The following NDEL1 variants were observed in gnomAD, a reference collection of about 807,000 sequenced individuals.
The protein encoded by NDEL1 is nuclear distribution protein nudE-like 1.
A neutral mutation model predicts 45.7 loss-of-function variants in NDEL1; 9 were observed. That is an observed-to-expected ratio of 0.20 (90% CI 0.12 to 0.34). NDEL1 has a LOEUF of 0.34. Among genes scored for constraint, NDEL1 ranks in the 10% least tolerant of loss-of-function variants. The pLI is 1.00. For missense variants in NDEL1, 306 were observed against 406.2 expected, an observed-to-expected ratio of 0.75 and a Z score of 2.12; for synonymous variants, 133 against 158.6, an observed-to-expected ratio of 0.84 and a Z score of 1.21.
At chr17:8,462,549 A>G (rs1229959527) in intron 8 of NDEL1, among the ~76,000 whole-genome samples, 1 of 152,230 alleles carries the variant, frequency 6.6e-6, no homozygotes, top group Non-Finnish European at 1.5e-5. Flanking sequence ...AAGGAAGGGC[A>G]GGATATTCCA....
chr17:8,445,185 G>A (rs12944423), intron 2 of NDEL1: 36,849 of 151,962 alleles, frequency 0.24, 5,511 homozygotes, highest in Admixed American at 0.35. Flanking sequence ...ATTGAAAAAA[G>A]TTATCTAAAT....
At chr17:8,425,827 T>G (rs911738394) in intron 1 of NDEL1, among the ~76,000 whole-genome samples, 5 of 152,088 alleles carry the variant, frequency 3.3e-5, no homozygotes, top group Non-Finnish European at 7.4e-5. Context: ...GGTCTTGCTC[T>G]GTTACCCAGG....
intron 1 of NDEL1, chr17:8,443,834 A>G (rs927468095): frequency 6.5e-6 from 1 of 152,910 alleles, no homozygotes; most frequent in African/African-American, 2.4e-5. Context: ...TTCCAAGCAG[A>G]TGTTTTGAAG....
chr17:8,421,325 G>T (rs148446519), intron 1 of NDEL1, among the ~76,000 whole-genome samples: 1 of 152,274 alleles, frequency 6.6e-6, no homozygotes, highest in African/African-American at 2.4e-5. Flanking sequence ...ATGGCAAAAG[G>T]GACTTTGCAG....
intron 8 of NDEL1, 155 bp from the exon 9 acceptor site, chr17:8,466,775 T>C (rs1911623094): frequency 1.5e-6 from 1 of 678,184 alleles, no homozygotes; most frequent in Non-Finnish European, 2.5e-6. Context: ...CAGCTGGTGC[T>C]TTCCAGGCAG....
chr17:8,438,959 C>T (rs1319185645), intron 1 of NDEL1, among the ~76,000 whole-genome samples: 6 of 18,960 alleles, frequency 3.2e-4, no homozygotes, highest in African/African-American at 1.2e-4. Flanking sequence ...TTTTTTGAAA[C>T]GGAGTCTCTC....
chr17:8,455,955 G>A (rs1162157301), intron 7 of NDEL1, among the ~76,000 whole-genome samples: 5 of 152,126 alleles, frequency 3.3e-5, no homozygotes, highest in African/African-American at 1.2e-4. Flanking sequence ...GAACCATGTG[G>A]ATTTATGCCA....
upstream of NDEL1, among the ~76,000 whole-genome samples, chr17:8,430,880 C>T (rs904741891): frequency 2.6e-5 from 4 of 152,198 alleles, no homozygotes; most frequent in Non-Finnish European, 5.9e-5. Flanking sequence ...TGGTTAATTG[C>T]CATGCCCAGC....
At position 8,419,224 on chromosome 17, in the gene NDEL1, A is replaced by G. The variant is rs565439042; in HGVS notation, c.-13+5955A>G. Among the ~76,000 whole-genome samples the G allele has an allele frequency of 5.9e-5, 9 of 152,260 alleles. No individual in the cohort carries two copies. The South Asian group carries it at 1.9e-3, about 32-fold the overall frequency. ...TAGTGATTCTTAATGAATTCATCTA[A>G]AGTGTTTGACGATTTTCTTCCCTTA... On this transcript the variant is annotated intron_variant, in intron 1 of 4. Transcript: ENST00000582812.
intron 1 of NDEL1, chr17:8,436,788 A>G (rs962648456): frequency 1.3e-5 from 2 of 152,166 alleles, no homozygotes; most frequent in African/African-American, 4.8e-5. Context: ...TTCTAACCGC[A>G]TCACCTTGTG....
At chr17:8,445,178 GA>G (rs1411082929) in intron 2 of NDEL1, 2 of 151,916 alleles carry the variant, frequency 1.3e-5, no homozygotes, top group Non-Finnish European at 2.9e-5. Flanking sequence ...CAATTATATT[GA>G]AAAAAGTTAT....
At chr17:8,473,527 G>C (rs1456868868) in intron 3 of NDEL1, among the ~76,000 whole-genome samples, 2 of 152,122 alleles carry the variant, frequency 1.3e-5, no homozygotes, top group Non-Finnish European at 2.9e-5. Context: ...TCTGAATTCT[G>C]TACACTCTTG....
upstream of NDEL1, among the ~76,000 whole-genome samples, chr17:8,431,024 T>C (rs1908986651): frequency 6.6e-6 from 1 of 152,184 alleles, no homozygotes; most frequent in Non-Finnish European, 1.5e-5. Flanking sequence ...AGTCCAGTCC[T>C]GACAAACACC....
At chr17:8,469,116 T>C (rs555055573), downstream of NDEL1, among the ~76,000 whole-genome samples, 1 of 152,306 alleles carries the variant, frequency 6.6e-6, no homozygotes, top group South Asian at 2.1e-4. Context: ...CCTGGAGATT[T>C]TGTCCTGAGC....
intron 1 of NDEL1, among the ~76,000 whole-genome samples, chr17:8,438,182 C>T (rs528931663): frequency 6.6e-6 from 1 of 152,294 alleles, no homozygotes; most frequent in South Asian, 2.1e-4. Context: ...TGGTCTCGAA[C>T]TCCTCACCTC....
intron 2 of NDEL1, chr17:8,444,903 T>G (rs996639167): frequency 6.6e-6 from 1 of 152,226 alleles, no homozygotes; most frequent in Admixed American, 6.5e-5. Flanking sequence ...TTTTTAAAAA[T>G]GGGATCTTGC....
intron 1 of NDEL1, among the ~76,000 whole-genome samples, chr17:8,421,493 G>T (rs1037112611): frequency 1.3e-5 from 2 of 152,150 alleles, no homozygotes; most frequent in South Asian, 2.1e-4. Context: ...GCCAAGGAGC[G>T]CTGGTGGCCT....
At chr17:8,429,972 A>C (rs1415730851) in intron 1 of NDEL1, among the ~76,000 whole-genome samples, 1 of 152,046 alleles carries the variant, frequency 6.6e-6, no homozygotes, top group African/African-American at 2.4e-5. Flanking sequence ...CTGAAATATG[A>C]CTAGATTTAC....
chr17:8,435,781 G>A (rs897394645), upstream of NDEL1: 1 of 366,730 alleles, frequency 2.7e-6, no homozygotes, highest in African/African-American at 2.2e-5. Flanking sequence ...CCCGCCCCCT[G>A]TGACACCAGC....
Sources: allele counts gnomAD v4.1 joint callset (sites outside exome capture counted in the v4.1 genomes callset), GRCh38; gene constraint gnomAD v4.1.1; transcripts MANE v1.5; gene names NCBI Gene and HGNC (gene_info 2026-07-23, HGNC 2026-07-21).